SFMBT1: variants seen among roughly 807,000 people sequenced by gnomAD.
SFMBT1 encodes Scm like with four mbt domains 1.
SFMBT1 carries 32 observed loss-of-function variants against 108.7 expected under a neutral mutation model. The ratio of observed to expected loss-of-function variants is 0.29; its 90% CI spans 0.22 to 0.40. The LOEUF is 0.40. SFMBT1 is among the 10% of genes least tolerant of loss of function. The pLI, the probability that SFMBT1 is intolerant of heterozygous loss-of-function variation, is 1.00. For synonymous variants in SFMBT1, 348 were observed against 369.5 expected (o/e 0.94, Z 0.67); for missense variants, 816 against 1,059.6 (o/e 0.77, Z 3.19).
At chr3:52,982,415 G>A (rs1704743890) in intron 1 of SFMBT1, among the ~76,000 whole-genome samples, 1 of 152,118 alleles carries the variant, frequency 6.6e-6, no homozygotes, top group Non-Finnish European at 1.5e-5. Flanking sequence ...GGCCAAAAAG[G>A]TCGGAGGTGA....
chr3:52,979,910 A>G (rs1157071145), intron 1 of SFMBT1, among the ~76,000 whole-genome samples: 2 of 152,212 alleles, frequency 1.3e-5, no homozygotes, highest in Admixed American at 6.5e-5. Context: ...CTTGAACAAC[A>G]TGGGCATTAA....
chr3:52,982,327 T>C (rs1469925955), intron 1 of SFMBT1, among the ~76,000 whole-genome samples: 2 of 151,992 alleles, frequency 1.3e-5, no homozygotes, highest in African/African-American at 2.4e-5. Flanking sequence ...CTAGAGAAAA[T>C]TGTCCAGATG....
chr3:52,916,699 CA>C (rs773987848), intron 13 of SFMBT1, among the ~76,000 whole-genome samples: 3 of 146,696 alleles, frequency 2.0e-5, no homozygotes, highest in African/African-American at 7.4e-5. Context: ...ACAACAACAA[CA>C]ACAACAAAAA....
In SFMBT1 at chr3:52,906,244, T is replaced by G. The variant is rs530816646; in HGVS notation, c.2332-3A>C. 9.9e-6 allele frequency: 16 copies of G among 1,613,920 alleles called. No individual in the cohort carries two copies. In the East Asian group the frequency reaches 3.6e-4, roughly 36 times the overall value. ...TCAGCAACTTCGATCCTTATTTCCT[T>G]CATTCCCCACAACACAATCAAACCA... On this transcript the variant is annotated splice_polypyrimidine_tract_variant and splice_region_variant and intron_variant, in intron 19 of 20. Coordinates refer to ENST00000394752, the MANE Select transcript of SFMBT1 (RefSeq NM_016329.4).
intron 2 of SFMBT1, among the ~76,000 whole-genome samples, chr3:52,968,572 T>TA (rs1559530921): frequency 6.6e-6 from 1 of 150,832 alleles, no homozygotes; most frequent in African/African-American, 2.4e-5. Flanking sequence ...AATGCTATTT[T>TA]AAAAAAGAAG....
rs1401564294 is a variant in SFMBT1, at chr3:52,932,062, C to T, written c.700G>A (p.Ala234Thr). The T allele has an allele frequency of 1.2e-6, 2 of 1,613,402 alleles. No individual in the cohort carries two copies. The highest frequency in any genetic ancestry group is 8.5e-7 in the Non-Finnish European group (1 of 1,179,640). ...AGAAAAATGTCCTATTACTCTTCAC[C>T]TGAAGGGGGCTGAAGCTCATATCCC... Reference protein sequence around the residue: ...QQGYELQPPSAIRHLKNEAEW... With the variant: ...QQGYELQPPSTIRHLKNEAEW... The change falls in exon 6 of 21, where the codon GCC becomes ACC. Residue 234 changes from alanine (A) to threonine (T), a missense_variant and splice_region_variant. This residue lies in a region of SFMBT1 where 495 missense variants were observed against 607.4 expected (regional missense o/e 0.81). Coordinates refer to ENST00000394752, the MANE Select transcript of SFMBT1 (RefSeq NM_016329.4).
intron 14 of SFMBT1, 114 bp downstream of exon 14, chr3:52,916,036 C>A (rs1004262914): frequency 1.2e-5 from 9 of 774,806 alleles, no homozygotes; most frequent in Non-Finnish European, 1.9e-5. Flanking sequence ...AATTAAGAGA[C>A]CCCTCTATGA....
rs1201251618 is a variant in SFMBT1 at position 52,993,702 on chromosome 3, C to T, written c.-130-24444G>A. On this transcript the variant is annotated intron_variant, in intron 1 of 20. Transcript: ENST00000394752. ...AAAAAAAGGGGAAAAAAATCCCATA[C>T]AAAAATTGTGAAAAGAGTTAAGATA... 2.7e-5 allele frequency among the ~76,000 whole-genome samples: 4 copies of T among 149,866 alleles called. 1 individual carries two copies. The highest frequency in any genetic ancestry group is 4.8e-5 in the African/African-American group (2 of 41,264).
chr3:53,038,087 A>G lies in SFMBT1; in HGVS notation c.-131+7729T>C, dbSNP rs1473590659. ...CCGCTGCACTCCAGCCTGGGCAACA[A>G]GAGCAAAACTTTGTCTCAAAAAAAA... On this transcript the variant is annotated intron_variant, in intron 1 of 20. Transcript: ENST00000394752. 2.0e-5 allele frequency among the ~76,000 whole-genome samples: 3 copies of G among 151,882 alleles called. No homozygotes were observed. In the East Asian group the frequency reaches 5.8e-4, roughly 29 times the overall value.
intron 10 of SFMBT1, among the ~76,000 whole-genome samples, chr3:52,924,699 A>G (rs1214720075): frequency 6.6e-6 from 1 of 151,912 alleles, no homozygotes; most frequent in African/African-American, 2.4e-5. Flanking sequence ...CACAAAAACT[A>G]CATGGCAAAC....
intron 4 of SFMBT1, among the ~76,000 whole-genome samples, chr3:52,937,588 C>CT (rs779628148): frequency 1.6e-3 from 238 of 146,208 alleles, no homozygotes; most frequent in Middle Eastern, 3.5e-3. Flanking sequence ...ATGATTCATT[C>CT]TTTTTTTTTT....
chr3:52,920,510 T>A, intron 12 of SFMBT1, 27 bp downstream of exon 12: 2 of 1,527,796 alleles, frequency 1.3e-6, no homozygotes, highest in Non-Finnish European at 1.8e-6. Context: ...TAACAATCAA[T>A]CCTCTAACCC....
intron 14 of SFMBT1, among the ~76,000 whole-genome samples, chr3:52,914,925 G>C (rs999010909): frequency 1.3e-5 from 2 of 152,152 alleles, no homozygotes; most frequent in African/African-American, 2.4e-5. Flanking sequence ...GAATCACCCT[G>C]AACTGGGTAC....
intron 14 of SFMBT1, among the ~76,000 whole-genome samples, chr3:52,914,125 A>C (rs1702282131): frequency 6.6e-6 from 1 of 152,144 alleles, no homozygotes; most frequent in Admixed American, 6.6e-5. Context: ...GAGGGCTAAA[A>C]GTATGCTGTG....
At position 52,926,207 on chromosome 3, in the gene SFMBT1, G is replaced by C. The variant is rs189846610; in HGVS notation, c.1049-94C>G. 3.5e-4 allele frequency: 369 copies of C among 1,040,508 alleles called. 1 individual carries two copies. In the African/African-American group the frequency reaches 5.3e-3, roughly 15 times the overall value. The allele number at this position is 1,040,508 out of a possible 1,614,324, so 64.5% of individuals were successfully genotyped here. Reference sequence around the variant, plus strand: ...ACCAAGGGTCCACTCACAACTTCCAGTGATGCTAGTCTGACAACTTTGATC... The same window carrying C: ...ACCAAGGGTCCACTCACAACTTCCACTGATGCTAGTCTGACAACTTTGATC... On this transcript the variant is annotated intron_variant, in intron 9 of 20. Transcript: ENST00000394752.
chr3:53,033,280 C>A (rs181292424), intron 1 of SFMBT1, among the ~76,000 whole-genome samples: 1 of 152,054 alleles, frequency 6.6e-6, no homozygotes, highest in Non-Finnish European at 1.5e-5. Context: ...CCTGCCTCAG[C>A]CTCCCAAGTA....
At chr3:52,917,420 T>C (rs1042893230) in intron 13 of SFMBT1, among the ~76,000 whole-genome samples, 1 of 152,124 alleles carries the variant, frequency 6.6e-6, no homozygotes, top group Non-Finnish European at 1.5e-5. Flanking sequence ...AGAAAGATTT[T>C]TCCACCATGC....
At chr3:53,014,397 G>T (rs1409077591) in intron 1 of SFMBT1, among the ~76,000 whole-genome samples, 2 of 151,996 alleles carry the variant, frequency 1.3e-5, no homozygotes, top group East Asian at 3.9e-4. Flanking sequence ...TTGAGCCCAG[G>T]AGGTCAAGTT....
At chr3:53,032,099 A>G (rs973495876) in intron 1 of SFMBT1, among the ~76,000 whole-genome samples, 2 of 152,198 alleles carry the variant, frequency 1.3e-5, no homozygotes, top group Non-Finnish European at 2.9e-5. Context: ...GCTGGATACA[A>G]TGGCTCATGC....
Sources: gnomAD v4.1 joint callset for allele counts (sites outside exome capture counted in the v4.1 genomes callset) on GRCh38, gnomAD v4.1.1 for gene constraint, gnomAD v4.1.1 regional missense constraint, MANE v1.5 for transcripts, NCBI Gene and HGNC (gene_info 2026-07-23, HGNC 2026-07-21) for gene names.